Variants in ARL13B observed in about 807,000 individuals in gnomAD.
The protein encoded by ARL13B is ARF like GTPase 13B.
ARL13B carries 36 observed loss-of-function variants against 56.1 expected under a neutral mutation model. The observed-to-expected ratio is 0.64, with a 90% CI of 0.49 to 0.85. ARL13B has a LOEUF of 0.85. ARL13B is among the 40% of genes least tolerant of loss of function. ARL13B has a pLI of 0.00. For missense variants in ARL13B, 519 were observed against 507.1 expected, an observed-to-expected ratio of 1.02 and a Z score of -0.23; for synonymous variants, 178 against 171.1, an observed-to-expected ratio of 1.04 and a Z score of -0.32.
At chr3:94,034,506 AT>A (rs57343083) in intron 3 of ARL13B, among the ~76,000 whole-genome samples, 8,902 of 143,122 alleles carry the variant, frequency 0.062, 707 homozygotes, top group African/African-American at 0.19. Flanking sequence ...ATTGAGTACA[AT>A]TTTTTTTTTT....
At chr3:94,020,714 T>C (rs1405421379) in intron 3 of ARL13B, among the ~76,000 whole-genome samples, 1 of 152,216 alleles carries the variant, frequency 6.6e-6, no homozygotes, top group Non-Finnish European at 1.5e-5. Flanking sequence ...TGCTGAGCAT[T>C]TTAAGTACCG....
chr3:93,983,457 T>C (rs1472435793), intron 1 of ARL13B, among the ~76,000 whole-genome samples: 1 of 152,198 alleles, frequency 6.6e-6, no homozygotes, highest in African/African-American at 2.4e-5. Context: ...TGAAATTTTA[T>C]TGTTCCTAAG....
At chr3:93,993,539 G>A (rs1033728562) in intron 1 of ARL13B, among the ~76,000 whole-genome samples, 3 of 152,200 alleles carry the variant, frequency 2.0e-5, no homozygotes, top group African/African-American at 7.2e-5. Flanking sequence ...TCCTGTCTCA[G>A]CCTCCGGAGT....
At chr3:94,041,301 A>G (rs770079906) in intron 6 of ARL13B, among the ~76,000 whole-genome samples, 1 of 152,210 alleles carries the variant, frequency 6.6e-6, no homozygotes, top group Admixed American at 6.5e-5. Context: ...CAAGATAAAG[A>G]TAACATTTCA....
At chr3:94,031,308 T>C (rs1343583851) in intron 3 of ARL13B, among the ~76,000 whole-genome samples, 1 of 152,132 alleles carries the variant, frequency 6.6e-6, no homozygotes, top group Non-Finnish European at 1.5e-5. Context: ...AATAAAACTA[T>C]TTCCTAGCTT....
rs145124418 is a variant in ARL13B at position 94,015,200 on chromosome 3, A to C, written c.380+11292A>C. On this transcript the variant is annotated intron_variant, in intron 3 of 9. Coordinates refer to ENST00000394222, the MANE Select transcript of ARL13B (RefSeq NM_001174150.2). ...CCTTGTTCCTCTGTTTCTGTAGTTG[A>C]TACATGACTGTCTCTAGAGAGTTCA... 1.6e-3 allele frequency: 2,552 copies of C among 1,612,622 alleles called. 4 individuals are homozygous for C. The highest frequency in any genetic ancestry group is 1.9e-3 in the Non-Finnish European group (2,255 of 1,179,624).
intron 5 of ARL13B, among the ~76,000 whole-genome samples, chr3:94,038,602 C>T (rs1356921549): frequency 2.1e-5 from 3 of 144,552 alleles, no homozygotes; most frequent in Non-Finnish European, 4.5e-5. Flanking sequence ...CGGCGCACTG[C>T]AACCTCCGTC....
At chr3:93,994,056 G>T (rs946838783) in intron 1 of ARL13B, among the ~76,000 whole-genome samples, 7 of 152,180 alleles carry the variant, frequency 4.6e-5, no homozygotes, top group Non-Finnish European at 8.8e-5. Flanking sequence ...AAAGATAAAG[G>T]CTTCTAGATA....
rs749170235 is a variant in ARL13B at position 94,055,554 on chromosome 3, C to A, written c.*2291C>A. 3.1e-5 allele frequency: 14 copies of A among 453,774 alleles called. No homozygotes were observed. Among genetic ancestry groups the A allele is most frequent in the South Asian group, 2.2e-4 (14 of 64,482 alleles). The allele number at this position is 453,774 out of a possible 1,614,324, so 28.1% of individuals were successfully genotyped here. A position where few individuals can be genotyped will look rare whatever the true frequency, so the allele number is the denominator to read the frequency against. On this transcript the variant is annotated 3_prime_UTR_variant, in exon 10 of 10. Coordinates refer to ENST00000394222, the MANE Select transcript of ARL13B (RefSeq NM_001174150.2). ...GTCTTGCGTTAAAGCTGTTGGTCAA[C>A]AGATATGTTTTTATGTATTTAAAAG...
rs57948991 is a variant in ARL13B, at chr3:94,050,025, G to A, written c.1141+503G>A. 4.8e-3 allele frequency among the ~76,000 whole-genome samples: 721 copies of A among 151,168 alleles called. 5 individuals are homozygous for A. The highest frequency in any genetic ancestry group is 0.012 in the African/African-American group (486 of 41,174). On this transcript the variant is annotated intron_variant, in intron 8 of 9. Coordinates refer to ENST00000394222, the MANE Select transcript of ARL13B (RefSeq NM_001174150.2). The stretch of plus-strand genomic sequence containing the variant: ...AAAAAAAAAAAAAAATTAGCTGGGC[G>A]TAGTAGCACATGCCTGTAATCCCAG...
Position 94,053,887 on chromosome 3 carries a change from T to G in ARL13B, c.*624T>G. 1 of 316,880 alleles carries G rather than the reference T, an allele frequency of 3.2e-6. No individual in the cohort carries two copies. Among genetic ancestry groups the G allele is most frequent in the Non-Finnish European group, 6.2e-6 (1 of 162,508 alleles). The allele number at this position is 316,880 out of a possible 1,614,324, so 19.6% of individuals were successfully genotyped here. On this transcript the variant is annotated 3_prime_UTR_variant, in exon 10 of 10. Transcript: ENST00000394222. ...GGTATGTTTTGTAATAGCGTTGTTC[T>G]TTAAGTGTACATCGTAATTTGACCT...
chr3:94,025,870 A>G (rs2076545282), intron 3 of ARL13B, among the ~76,000 whole-genome samples: 3 of 152,176 alleles, frequency 2.0e-5, no homozygotes, highest in Non-Finnish European at 4.4e-5. Flanking sequence ...TGTTTCATCT[A>G]GGAAACTCAG....
At chr3:94,032,768 T>G (rs2107096056) in intron 3 of ARL13B, among the ~76,000 whole-genome samples, 1 of 152,244 alleles carries the variant, frequency 6.6e-6, no homozygotes, top group East Asian at 1.9e-4. Flanking sequence ...AGTGCTGGGA[T>G]TACAGGCGTA....
chr3:94,052,096 G>C (rs553607079), intron 9 of ARL13B, among the ~76,000 whole-genome samples: 1 of 151,860 alleles, frequency 6.6e-6, no homozygotes, highest in Non-Finnish European at 1.5e-5. Flanking sequence ...ACTTGTGTAC[G>C]TTAGAATACA....
intron 3 of ARL13B, among the ~76,000 whole-genome samples, chr3:94,008,041 T>TA (rs963119524): frequency 2.6e-5 from 4 of 152,172 alleles, no homozygotes; most frequent in African/African-American, 9.7e-5. Context: ...GCCTCTTCTA[T>TA]AATAAAAGTA....
intron 3 of ARL13B, among the ~76,000 whole-genome samples, 173 bp downstream of exon 3, chr3:94,004,081 TA>T (rs1363715281): frequency 6.6e-6 from 1 of 152,130 alleles, no homozygotes; most frequent in Non-Finnish European, 1.5e-5. Flanking sequence ...GTGCTGTCTA[TA>T]GGGGAAAAGG....
chr3:93,980,619 C>G, intron 1 of ARL13B, 137 bp downstream of exon 1: 1 of 1,067,206 alleles, frequency 9.4e-7, no homozygotes. Context: ...CAGGGTGTCC[C>G]GGGAGGGAGA....
chr3:94,045,671 A>G (rs2076969752), intron 7 of ARL13B, among the ~76,000 whole-genome samples: 1 of 152,134 alleles, frequency 6.6e-6, no homozygotes, highest in South Asian at 2.1e-4. Flanking sequence ...AAGACATACT[A>G]TAAAGTAGTG....
chr3:94,023,165 A>G (rs2076485545), intron 3 of ARL13B, among the ~76,000 whole-genome samples: 1 of 152,068 alleles, frequency 6.6e-6, no homozygotes, highest in Admixed American at 6.6e-5. Context: ...TTCATTACTG[A>G]AAATATTTTT....
Sources: gnomAD v4.1 joint callset for allele counts (sites outside exome capture counted in the v4.1 genomes callset) on GRCh38, gnomAD v4.1.1 for gene constraint, MANE v1.5 for transcripts, NCBI Gene and HGNC (gene_info 2026-07-23, HGNC 2026-07-21) for gene names.